Variants in GTF2IRD1 observed in about 807,000 individuals in gnomAD.
The protein encoded by GTF2IRD1 is general transcription factor II-I repeat domain-containing protein 1.
A neutral mutation model predicts 113.2 loss-of-function variants in GTF2IRD1; 26 were observed. The ratio of observed to expected loss-of-function variants is 0.23; its 90% CI spans 0.17 to 0.32. GTF2IRD1 has a LOEUF of 0.32. GTF2IRD1 is among the 10% of genes least tolerant of loss of function. The pLI is 1.00. For missense variants in GTF2IRD1, 864 were observed against 1,280.8 expected (o/e 0.67, Z 4.97); for synonymous variants, 484 against 529.1 (o/e 0.91, Z 1.17).
At chr7:74,465,563 AGTT>A (rs1554330605) in intron 1 of GTF2IRD1, among the ~76,000 whole-genome samples, 2 of 152,134 alleles carry the variant, frequency 1.3e-5, no homozygotes, top group Non-Finnish European at 2.9e-5. Flanking sequence ...CAGTGTATTC[AGTT>A]GCGGGGAGCT....
intron 6 of GTF2IRD1, among the ~76,000 whole-genome samples, chr7:74,520,842 C>CTAT (rs200488760): frequency 0.23 from 29,712 of 128,768 alleles, 3,660 homozygotes; most frequent in East Asian, 0.41. Context: ...GTTATATATA[C>CTAT]TATTATTATT....
rs185195313 is a variant in GTF2IRD1 at position 74,488,860 on chromosome 7, T to C, written c.-6-19215T>C. On this transcript the variant is annotated intron_variant, in intron 1 of 26. Coordinates refer to ENST00000424337, the MANE Select transcript of GTF2IRD1 (RefSeq NM_005685.4). Reference sequence around the variant, plus strand: ...GAGTGCCTTAAGAAATATGGACTTTTGCCTGGGCGCGGTGGTTCATTCCTG... The same window carrying C: ...GAGTGCCTTAAGAAATATGGACTTTCGCCTGGGCGCGGTGGTTCATTCCTG... 2.0e-4 allele frequency among the ~76,000 whole-genome samples: 31 copies of C among 152,040 alleles called. No individual in the cohort carries two copies. The East Asian group carries it at 5.4e-3, about 27-fold the overall frequency.
chr7:74,520,435 A>T (rs948384796), intron 6 of GTF2IRD1, among the ~76,000 whole-genome samples: 2 of 152,218 alleles, frequency 1.3e-5, no homozygotes, highest in South Asian at 2.1e-4. Flanking sequence ...TAAAATGGGG[A>T]TGCTAGTGGT....
intron 22 of GTF2IRD1, among the ~76,000 whole-genome samples, chr7:74,586,086 A>C (rs1351564694): frequency 1.3e-5 from 2 of 152,154 alleles, no homozygotes; most frequent in Non-Finnish European, 2.9e-5. Flanking sequence ...AAGCATCTGC[A>C]CACAGTGATG....
intron 22 of GTF2IRD1, among the ~76,000 whole-genome samples, chr7:74,572,923 C>A (rs149489822): frequency 6.6e-6 from 1 of 152,084 alleles, no homozygotes; most frequent in East Asian, 1.9e-4. Context: ...GCCCTACTGC[C>A]GGGCCCAGAG....
chr7:74,484,546 C>A (rs1481767093), intron 1 of GTF2IRD1, among the ~76,000 whole-genome samples: 3 of 151,736 alleles, frequency 2.0e-5, no homozygotes, highest in African/African-American at 7.3e-5. Context: ...GCAACCTCCA[C>A]CCTCCGGGTT....
intron 22 of GTF2IRD1, among the ~76,000 whole-genome samples, chr7:74,584,304 G>A (rs189774945): frequency 9.9e-5 from 15 of 152,064 alleles, no homozygotes; most frequent in Admixed American, 3.9e-4. Flanking sequence ...AATTAGCCAG[G>A]TGTGGTGGCG....
intron 22 of GTF2IRD1, among the ~76,000 whole-genome samples, chr7:74,568,060 T>G (rs1800434931): frequency 6.6e-6 from 1 of 151,348 alleles, no homozygotes; most frequent in Non-Finnish European, 1.5e-5. Context: ...GTGCTGGGAT[T>G]ACATATATGA....
chr7:74,475,561 G>A (rs565115981), intron 1 of GTF2IRD1, among the ~76,000 whole-genome samples: 5 of 152,242 alleles, frequency 3.3e-5, no homozygotes, highest in Non-Finnish European at 5.9e-5. Context: ...GGTGTGGCCC[G>A]GGCTGGACTC....
At chr7:74,554,570 A>T (rs1266082477) in intron 17 of GTF2IRD1, among the ~76,000 whole-genome samples, 2 of 151,766 alleles carry the variant, frequency 1.3e-5, no homozygotes, top group African/African-American at 4.8e-5. Flanking sequence ...ACGGAGTCTT[A>T]CTCTGTCACC....
intron 1 of GTF2IRD1, among the ~76,000 whole-genome samples, chr7:74,456,329 A>G (rs1441942503): frequency 6.6e-6 from 1 of 152,154 alleles, no homozygotes; most frequent in Non-Finnish European, 1.5e-5. Context: ...TGCAGCTCCC[A>G]GATGATTCTC....
intron 1 of GTF2IRD1, among the ~76,000 whole-genome samples, chr7:74,487,192 C>A (rs1453491429): frequency 1.3e-5 from 2 of 152,130 alleles, no homozygotes; most frequent in African/African-American, 2.4e-5. Flanking sequence ...GCACCCAACA[C>A]CATGCAGGGC....
chr7:74,527,988 C>T (rs1328618463), intron 8 of GTF2IRD1, among the ~76,000 whole-genome samples: 2 of 152,260 alleles, frequency 1.3e-5, no homozygotes, highest in African/African-American at 2.4e-5. Context: ...TTGGCAGAGC[C>T]GTCAGCTTCT....
At chr7:74,468,433 G>T (rs1000782724) in intron 1 of GTF2IRD1, among the ~76,000 whole-genome samples, 1 of 151,678 alleles carries the variant, frequency 6.6e-6, no homozygotes, top group Non-Finnish European at 1.5e-5. Context: ...GCTGAGACGC[G>T]CAGATCACAA....
chr7:74,501,593 C>G (rs1796035546), intron 1 of GTF2IRD1, among the ~76,000 whole-genome samples: 1 of 152,138 alleles, frequency 6.6e-6, no homozygotes, highest in African/African-American at 2.4e-5. Context: ...TGGCTGTCCC[C>G]TCTGTGAAGG....
At position 74,512,566 on chromosome 7, in the gene GTF2IRD1, G is replaced by A. The variant is rs1467789452; in HGVS notation, c.124-264G>A. ...TGTCCCTGGGGCTGGGGCTAAGGGG[G>A]GCCTACCCCAAGGAGGAGGACCTTG... On this transcript the variant is annotated intron_variant, in intron 2 of 26. Coordinates refer to ENST00000424337, the MANE Select transcript of GTF2IRD1 (RefSeq NM_005685.4). This position sits in a 1 kb window ranked among gnomAD's most constrained non-coding sequence, Gnocchi z 4.4. Among the ~76,000 whole-genome samples the A allele has an allele frequency of 1.3e-5, 2 of 152,104 alleles. No individual in the cohort carries two copies. Among genetic ancestry groups the A allele is most frequent in the African/African-American group, 4.8e-5 (2 of 41,416 alleles).
At chr7:74,538,541 G>A (rs1162911197) in intron 12 of GTF2IRD1, 139 bp from the exon 13 acceptor site, 34 of 757,806 alleles carry the variant, frequency 4.5e-5, no homozygotes, top group Non-Finnish European at 6.5e-5. Context: ...CAGTTTGGGC[G>A]GAGCCAGGGG....
At chr7:74,545,621 CAG>C in intron 15 of GTF2IRD1, 121 bp from the exon 16 acceptor site, 5 of 727,144 alleles carry the variant, frequency 6.9e-6, no homozygotes, top group Admixed American at 2.0e-5. Flanking sequence ...CCCACCGCCC[CAG>C]CCCCAGCCTT....
At chr7:74,540,455 A>G (rs587658798) in intron 14 of GTF2IRD1, among the ~76,000 whole-genome samples, 136 of 151,230 alleles carry the variant, frequency 9.0e-4, no homozygotes, top group Non-Finnish European at 1.6e-3. Flanking sequence ...CATAGGCTCC[A>G]TTTATAACAA....
Sources: allele counts gnomAD v4.1 joint callset (sites outside exome capture counted in the v4.1 genomes callset), GRCh38; gene constraint gnomAD v4.1.1; non-coding constraint Gnocchi (gnomAD v3.1); transcripts MANE v1.5; gene names NCBI Gene and HGNC (gene_info 2026-07-23, HGNC 2026-07-21).